The following SMARCA4 variants were observed in gnomAD, a reference collection of about 807,000 sequenced individuals.
SMARCA4 encodes the protein SWI/SNF-related matrix-associated actin-dependent regulator of chromatin subfamily A member 4.
A neutral mutation model predicts 193.9 loss-of-function variants in SMARCA4; 31 were observed. The observed-to-expected ratio is 0.16, with a 90% CI of 0.12 to 0.22. The LOEUF (loss-of-function observed/expected upper bound fraction) is 0.22, where lower values mean the gene tolerates loss of function less well. SMARCA4 is among the 10% of genes least tolerant of loss of function. The pLI, the probability that SMARCA4 is intolerant of heterozygous loss-of-function variation, is 1.00. For missense variants in SMARCA4, 1,148 were observed against 2,296.0 expected (o/e 0.50, Z 10.22); for synonymous variants, 942 against 933.1 (o/e 1.01, Z -0.17).
chr19:11,004,998 A>AT (rs1038293988), intron 13 of SMARCA4, among the ~76,000 whole-genome samples: 54 of 150,838 alleles, frequency 3.6e-4, no homozygotes, highest in African/African-American at 1.2e-3. Context: ...AACCCGGCTA[A>AT]TTTTTTTTTG....
intron 16 of SMARCA4, among the ~76,000 whole-genome samples, chr19:11,014,652 C>A (rs1358132906): frequency 6.6e-6 from 1 of 152,072 alleles, no homozygotes; most frequent in Non-Finnish European, 1.5e-5. Context: ...CTCTGCAGTT[C>A]CCGATTTTCC....
At position 11,026,244 on chromosome 19, in the gene SMARCA4, C is replaced by T. The variant is rs370913097; in HGVS notation, c.3169-56C>T. On this transcript the variant is annotated intron_variant, in intron 22 of 34. Coordinates refer to ENST00000344626, the MANE Select transcript of SMARCA4 (RefSeq NM_003072.5). ...CACGAGCGGTGTGTGCGGACCGCAG[C>T]GGGGCCCGGTGGCCTGCTCCTGCCT... 290 of 1,417,594 alleles carry T rather than the reference C, an allele frequency of 2.0e-4. 2 individuals are homozygous for T. In the Middle Eastern group the frequency reaches 2.1e-3, roughly 10 times the overall value. The allele number at this position is 1,417,594 out of a possible 1,614,324, so 87.8% of individuals were successfully genotyped here. A position where few individuals can be genotyped will look rare whatever the true frequency, so the allele number is the denominator to read the frequency against.
chr19:11,001,886 C>G (rs1461406376), intron 11 of SMARCA4, among the ~76,000 whole-genome samples: 3 of 152,106 alleles, frequency 2.0e-5, no homozygotes, highest in African/African-American at 7.2e-5. Flanking sequence ...TGAATCTCAA[C>G]AGGAGGAGTT....
At chr19:11,028,139 C>A (rs778175204) in intron 24 of SMARCA4, among the ~76,000 whole-genome samples, 189 bp downstream of exon 24, 1 of 152,188 alleles carries the variant, frequency 6.6e-6, no homozygotes, top group Non-Finnish European at 1.5e-5. Flanking sequence ...GTGGATTGGA[C>A]GCCGGGTGTC....
At chr19:11,014,131 C>T (rs1258468661) in intron 16 of SMARCA4, among the ~76,000 whole-genome samples, 1 of 152,294 alleles carries the variant, frequency 6.6e-6, no homozygotes, top group East Asian at 1.9e-4. Context: ...TAGAGCACAG[C>T]CCCTAACTCC....
chr19:10,976,385 G>A (rs2085129537), intron 1 of SMARCA4, among the ~76,000 whole-genome samples: 1 of 152,134 alleles, frequency 6.6e-6, no homozygotes, highest in African/African-American at 2.4e-5. Context: ...CTGGCCAGGA[G>A]GAGGTTGAGG....
intron 1 of SMARCA4, 161 bp downstream of exon 1, chr19:10,961,335 C>T (rs1568382217): frequency 2.7e-5 from 4 of 145,548 alleles, no homozygotes; most frequent in Admixed American, 1.4e-4. Context: ...CAGCCGCGCG[C>T]GTGGGGAAGG....
At chr19:11,017,406 T>G (rs919703567) in intron 16 of SMARCA4, among the ~76,000 whole-genome samples, 1 of 152,222 alleles carries the variant, frequency 6.6e-6, no homozygotes, top group Non-Finnish European at 1.5e-5. Flanking sequence ...CCTGCAGTCT[T>G]TCCCACTGCG....
chr19:10,999,816 C>T (rs909224389), intron 11 of SMARCA4, among the ~76,000 whole-genome samples: 3 of 152,188 alleles, frequency 2.0e-5, no homozygotes, highest in African/African-American at 7.2e-5. Flanking sequence ...TTTTAGAATA[C>T]ACAGAAAGTA....
At chr19:10,992,113 CTT>C (rs545950698) in intron 8 of SMARCA4, among the ~76,000 whole-genome samples, 11 of 142,026 alleles carry the variant, frequency 7.7e-5, no homozygotes, top group Admixed American at 7.1e-5. Context: ...TCTCTGTTAA[CTT>C]TTTTTTTTTT....
intron 12 of SMARCA4, 82 bp downstream of exon 12, chr19:11,003,241 C>T (rs2087829741): frequency 6.2e-7 from 1 of 1,604,404 alleles, no homozygotes; most frequent in African/African-American, 1.3e-5. Context: ...CAGCCAGGAG[C>T]AATTTTACTT....
At chr19:10,989,281 C>G in intron 6 of SMARCA4, 36 bp from the exon 7 acceptor site, 1 of 1,613,156 alleles carries the variant, frequency 6.2e-7, no homozygotes, top group Non-Finnish European at 8.5e-7. Flanking sequence ...CCCTGGCAAC[C>G]CTCTCACCGC....
chr19:10,982,552 T>C (rs956040194), intron 1 of SMARCA4, among the ~76,000 whole-genome samples: 1 of 149,874 alleles, frequency 6.7e-6, no homozygotes, highest in Non-Finnish European at 1.5e-5. Context: ...CAGGCTGGAG[T>C]GCGGTGGCAC....
rs1350396762 is a variant in SMARCA4 at position 11,041,825 on chromosome 19, G to C, written c.4424+265G>C. Among the ~76,000 whole-genome samples, 1 of 152,206 alleles carries C rather than the reference G, an allele frequency of 6.6e-6. No individual in the cohort carries two copies. The highest frequency in any genetic ancestry group is 1.5e-5 in the Non-Finnish European group (1 of 68,038). On this transcript the variant is annotated intron_variant, in intron 30 of 34. Transcript: ENST00000344626. This position sits in a 1 kb window ranked among gnomAD's most constrained non-coding sequence, Gnocchi z 5.6. ...CAGGGGTGCGGGTCTCGGAGAAGGGGACATTGCAGCAGAGCCTTGAGAGAG... is the reference window on the plus strand; with the variant it reads ...CAGGGGTGCGGGTCTCGGAGAAGGGCACATTGCAGCAGAGCCTTGAGAGAG...
chr19:10,983,145 A>C (rs569875152), intron 1 of SMARCA4, among the ~76,000 whole-genome samples: 4 of 152,232 alleles, frequency 2.6e-5, no homozygotes, highest in Non-Finnish European at 4.4e-5. Context: ...GCCTTCAGCC[A>C]GCGAGGCGGA....
Position 10,967,546 on chromosome 19 carries a change from G to A in SMARCA4, c.-32+6372G>A, listed in dbSNP as rs190227625. Among the ~76,000 whole-genome samples the A allele has an allele frequency of 4.8e-3, 729 of 151,460 alleles. 3 individuals are homozygous for A. Among genetic ancestry groups the A allele is most frequent in the Middle Eastern group, 0.01 (3 of 288 alleles). On this transcript the variant is annotated intron_variant, in intron 1 of 34. Transcript: ENST00000344626. ...AGGATGGTCTTGATCTCCTGACCTCGTTATCCGTCTGCCTCAGCCTCCCAA... is the reference window on the plus strand; with the variant it reads ...AGGATGGTCTTGATCTCCTGACCTCATTATCCGTCTGCCTCAGCCTCCCAA...
At chr19:10,996,998 G>A (rs1028551701) in intron 11 of SMARCA4, among the ~76,000 whole-genome samples, 9 of 151,640 alleles carry the variant, frequency 5.9e-5, no homozygotes, top group African/African-American at 2.2e-4. Context: ...TGGGATTACG[G>A]TTATGCCCCA....
Position 11,041,103 on chromosome 19 carries a change from T to TG in SMARCA4, c.4171-199dup, listed in dbSNP as rs368921355. ...AGACAAGCTTGGGTGGGGTGCCTGC[T>TG]GGGGGCAGTGCTGGTCTTTCACTGC... On this transcript the variant is annotated intron_variant, in intron 29 of 34. Coordinates refer to ENST00000344626, the MANE Select transcript of SMARCA4 (RefSeq NM_003072.5). The surrounding 1 kb of genome is among the most constrained non-coding windows in gnomAD (Gnocchi z 5.6). The TG allele has an allele frequency of 3.5e-3, 2,051 of 581,468 alleles. 28 individuals carry two copies. Among genetic ancestry groups the TG allele is most frequent in the African/African-American group, 0.034 (1,821 of 53,800 alleles). 36.0% of individuals were successfully genotyped at this position (581,468 alleles called of 1,614,324 possible).
At chr19:10,983,357 C>A (rs995916512) in intron 1 of SMARCA4, 9 of 151,534 alleles carry the variant, frequency 5.9e-5, no homozygotes, top group African/African-American at 1.9e-4. Context: ...GGTCTTACTA[C>A]TTTCAATGGA....
Sources: gnomAD v4.1 joint callset for allele counts (sites outside exome capture counted in the v4.1 genomes callset) on GRCh38, gnomAD v4.1.1 for gene constraint, Gnocchi (gnomAD v3.1) non-coding constraint, MANE v1.5 for transcripts, NCBI Gene and HGNC (gene_info 2026-07-23, HGNC 2026-07-21) for gene names.